Variants in GRWD1 observed in about 807,000 individuals in gnomAD.
The protein encoded by GRWD1 is glutamate rich WD repeat containing 1.
GRWD1 carries 29 observed loss-of-function variants against 45.3 expected under a neutral mutation model. That is an observed-to-expected ratio of 0.64 (90% CI 0.48 to 0.87). GRWD1 has a LOEUF of 0.87. Ranked by LOEUF, GRWD1 falls within the 40% of genes least tolerant of loss-of-function variation. The probability of loss-of-function intolerance (pLI) is 0.00; values close to 1 mark genes in which losing one functional copy is unlikely to be tolerated. For missense variants in GRWD1, 592 were observed against 618.8 expected (o/e 0.96, Z 0.46); for synonymous variants, 262 against 257.6 (o/e 1.02, Z -0.16).
chr19:48,452,716 C>T lies in GRWD1; in HGVS notation c.1032C>T (p.Ser344=). 6.4e-7 allele frequency: 1 copy of T among 1,568,222 alleles called. No homozygotes were observed. Among genetic ancestry groups the T allele is most frequent in the Non-Finnish European group, 8.7e-7 (1 of 1,150,756 alleles). ...CCATCCTCTCCCTCTAGTCTGGTTCCCCAGTGGCCACCTTCAAGCAGCACG... is the reference window on the plus strand; with the variant it reads ...CCATCCTCTCCCTCTAGTCTGGTTCTCCAGTGGCCACCTTCAAGCAGCACG... ...IWDLRQFKSG[S]PVATFKQHVA... Residue 344 remains serine, a synonymous_variant, in exon 7 of 7, where the codon TCC becomes TCT. Coordinates refer to ENST00000253237, the MANE Select transcript of GRWD1 (RefSeq NM_031485.4). The surrounding 1 kb of genome is among the most constrained non-coding windows in gnomAD (Gnocchi z 5.1).
intron 3 of GRWD1, among the ~76,000 whole-genome samples, chr19:48,447,454 G>A (rs1971423113): frequency 6.6e-6 from 1 of 151,346 alleles, no homozygotes; most frequent in African/African-American, 2.4e-5. Flanking sequence ...TGTTGATCAG[G>A]CTGGTGGTGA....
At position 48,455,290 on chromosome 19, in the gene GRWD1, C is replaced by T. The variant is rs1214999340; in HGVS notation, c.*2265C>T. On this transcript the variant is annotated 3_prime_UTR_variant, in exon 7 of 7. Transcript: ENST00000253237. ...CTGCATCTCTTTGTCTTTCTGTAGTCTCTGCTTTCCAACCTGCTGTCCAGC... is the reference window on the plus strand; with the variant it reads ...CTGCATCTCTTTGTCTTTCTGTAGTTTCTGCTTTCCAACCTGCTGTCCAGC... 3 of 152,332 alleles carry T rather than the reference C, an allele frequency of 2.0e-5. No individual in the cohort carries two copies. The highest frequency in any genetic ancestry group is 6.5e-5 in the Admixed American group (1 of 15,276). The allele number at this position is 152,332 out of a possible 1,614,324, so 9.4% of individuals were successfully genotyped here. A position where few individuals can be genotyped will look rare whatever the true frequency, so the allele number is the denominator to read the frequency against.
At position 48,453,358 on chromosome 19, in the gene GRWD1, G is replaced by T; in HGVS notation, c.*333G>T. 1 of 229,238 alleles carries T rather than the reference G, an allele frequency of 4.4e-6. No homozygotes were observed. The highest frequency in any genetic ancestry group is 1.2e-4 in the South Asian group (1 of 8,014). 14.2% of individuals were successfully genotyped at this position (229,238 alleles called of 1,614,324 possible). A position where few individuals can be genotyped will look rare whatever the true frequency, so the allele number is the denominator to read the frequency against. ...CCCAGTTTTTTGTTTGTTTGTTTGA[G>T]ACGGAGTCTTGGTCTGTCGCCCAGG... On this transcript the variant is annotated 3_prime_UTR_variant, in exon 7 of 7. Coordinates refer to ENST00000253237, the MANE Select transcript of GRWD1 (RefSeq NM_031485.4).
Position 48,446,024 on chromosome 19 carries a change from C to G in GRWD1, c.19C>G (p.Arg7Gly). Residue 7 changes from arginine to glycine, a missense_variant, in exon 1 of 7, where the codon CGG (arginine) becomes GGG (glycine). Arg to Gly is a moderately radical substitution (Grantham distance 125, BLOSUM62 -2). Coordinates refer to ENST00000253237, the MANE Select transcript of GRWD1 (RefSeq NM_031485.4). MAARKG[R>G]RRTCETGEPM... ...TTCGAAGATGGCGGCGCGCAAGGGT[C>G]GGCGGCGCACGTGTGAAACCGGGGA... 7.5e-6 allele frequency: 12 copies of G among 1,590,518 alleles called. No homozygotes were observed. Among genetic ancestry groups the G allele is most frequent in the Non-Finnish European group, 1.0e-5 (12 of 1,170,016 alleles).
rs1971512369 is a variant in GRWD1, at chr19:48,454,478, G to A, written c.*1453G>A. The A allele has an allele frequency of 1.3e-5, 2 of 152,290 alleles. No individual in the cohort carries two copies. The highest frequency in any genetic ancestry group is 6.6e-5 in the Admixed American group (1 of 15,266). 9.4% of individuals were successfully genotyped at this position (152,290 alleles called of 1,614,324 possible). On this transcript the variant is annotated 3_prime_UTR_variant, in exon 7 of 7. Transcript: ENST00000253237. ...TCCGAGGTCGGGTGCCCGTCACACG[G>A]CCCCTGGGACCAAGGACAGACTACA... is the stretch of plus-strand genomic sequence containing the variant.
chr19:48,456,840 A>AT lies in GRWD1; in HGVS notation c.*3821dup, dbSNP rs1372875331. 1 of 151,262 alleles carries AT rather than the reference A, an allele frequency of 6.6e-6. No homozygotes were observed. Among genetic ancestry groups the AT allele is most frequent in the Non-Finnish European group, 1.5e-5 (1 of 67,870 alleles). 9.4% of individuals were successfully genotyped at this position (151,262 alleles called of 1,614,324 possible). ...TTCCCTCCATTTCTTTTCTTCCTTTATTTTTTATTTTTAATTATTTATTTA... is the reference window on the plus strand; with the variant it reads ...TTCCCTCCATTTCTTTTCTTCCTTTATTTTTTTATTTTTAATTATTTATTTA... On this transcript the variant is annotated 3_prime_UTR_variant, in exon 7 of 7. Coordinates refer to ENST00000253237, the MANE Select transcript of GRWD1 (RefSeq NM_031485.4).
intron 3 of GRWD1, among the ~76,000 whole-genome samples, chr19:48,448,798 G>C (rs1231756249): frequency 6.6e-6 from 1 of 152,190 alleles, no homozygotes. Context: ...TGAACAAAAG[G>C]GAGAATGACA....
intron 3 of GRWD1, among the ~76,000 whole-genome samples, chr19:48,449,510 T>G (rs1387987003): frequency 6.6e-5 from 10 of 152,160 alleles, no homozygotes; most frequent in Admixed American, 6.5e-4. Context: ...AATTAGGAGC[T>G]TGGCTTTGGT....
chr19:48,446,074 C>T lies in GRWD1; in HGVS notation c.69C>T (p.Asp23=), dbSNP rs1323414026. The T allele has an allele frequency of 6.3e-7, 1 of 1,597,406 alleles. No individual in the cohort carries two copies. The highest frequency in any genetic ancestry group is 8.5e-7 in the Non-Finnish European group (1 of 1,173,472). The stretch of plus-strand genomic sequence containing the variant: ...AACCCATGGAAGCCGAGTCCGGCGA[C>T]ACAAGTTCCGAGGGCCCGGCCCAGG... The part of the protein sequence containing the change: ...TGEPMEAESG[D]TSSEGPAQVY... The change falls in exon 1 of 7, where the codon GAC becomes GAT. Residue 23 remains aspartate, a synonymous_variant. Coordinates refer to ENST00000253237, the MANE Select transcript of GRWD1 (RefSeq NM_031485.4).
Position 48,446,764 on chromosome 19 carries a change from AT to A in GRWD1, c.390del (p.Asp130GlufsTer75). 1 of 1,614,166 alleles carries A rather than the reference AT, an allele frequency of 6.2e-7. No individual in the cohort carries two copies. The highest frequency in any genetic ancestry group is 8.5e-7 in the Non-Finnish European group (1 of 1,180,022). On this transcript the variant is annotated frameshift_variant, in exon 3 of 7. Coordinates refer to ENST00000253237, the MANE Select transcript of GRWD1 (RefSeq NM_031485.4). LOFTEE classifies it high-confidence loss of function. ...AGTGATGAAGAAGAAGAGGAGGAAG[AT>A]GAAGAGGATGAAGAAGAGCGGAAAC... The part of the protein sequence containing the change: ...EGSDEEEEEE[D>X]EEDEEERKPQ...
Position 48,452,656 on chromosome 19 carries a change from C to T in GRWD1, c.1024-52C>T, listed in dbSNP as rs750191364. 17 of 1,465,600 alleles carry T rather than the reference C, an allele frequency of 1.2e-5. No individual in the cohort carries two copies. Among genetic ancestry groups the T allele is most frequent in the Admixed American group, 2.0e-5 (1 of 48,840 alleles). The allele number at this position is 1,465,600 out of a possible 1,614,324, so 90.8% of individuals were successfully genotyped here. A position where few individuals can be genotyped will look rare whatever the true frequency, so the allele number is the denominator to read the frequency against. On this transcript the variant is annotated intron_variant, in intron 6 of 6. Coordinates refer to ENST00000253237, the MANE Select transcript of GRWD1 (RefSeq NM_031485.4). The surrounding 1 kb of genome is among the most constrained non-coding windows in gnomAD (Gnocchi z 5.1). ...TTGGGGCTTCTGCCTGGGTCCTCCC[C>T]AGAGTCAGGCTGAGGCATTCAGAGC... is the stretch of plus-strand genomic sequence containing the variant.
intron 5 of GRWD1, 28 bp from the exon 6 acceptor site, chr19:48,451,005 TG>T: frequency 6.2e-7 from 1 of 1,600,646 alleles, no homozygotes; most frequent in Non-Finnish European, 8.5e-7. Context: ...TGGGGGGCAT[TG>T]GGACCACTCA....
chr19:48,451,944 T>C (rs1404346752), intron 6 of GRWD1, among the ~76,000 whole-genome samples: 1 of 152,146 alleles, frequency 6.6e-6, no homozygotes, highest in Admixed American at 6.5e-5. Flanking sequence ...GAGACGCCAA[T>C]TGAGCGGGGC....
Position 48,451,093 on chromosome 19 carries a change from C to G in GRWD1, c.885C>G (p.Pro295=), listed in dbSNP as rs1156915277. 4 of 1,614,156 alleles carry G rather than the reference C, an allele frequency of 2.5e-6. No individual in the cohort carries two copies. Among genetic ancestry groups the G allele is most frequent in the East Asian group, 2.2e-5 (1 of 44,872 alleles). Residue 295 remains proline, a synonymous_variant, in exon 6 of 7, where the codon CCC becomes CCG. Coordinates refer to ENST00000253237, the MANE Select transcript of GRWD1 (RefSeq NM_031485.4). ...SIRIWDIRAA[P]SKACMLTTAT... ...GCATCTGGGACATCCGGGCAGCCCC[C>G]AGCAAGGCCTGCATGCTCACCACAG...
chr19:48,446,630 T>C (rs1326652754), intron 2 of GRWD1, 51 bp from the exon 3 acceptor site: 2 of 1,550,770 alleles, frequency 1.3e-6, no homozygotes, highest in East Asian at 4.8e-5. Flanking sequence ...CCTCTCTCCT[T>C]CCTAAGAATC....
rs763665732 is a variant in GRWD1, at chr19:48,446,072, G to T, written c.67G>T (p.Asp23Tyr). ...TGEPMEAESG[D>Y]TSSEGPAQVY... ...GGAACCCATGGAAGCCGAGTCCGGC[G>T]ACACAAGTTCCGAGGGCCCGGCCCA... Residue 23 changes from aspartate to tyrosine, a missense_variant, in exon 1 of 7, where the codon GAC becomes TAC. Physicochemically the swap from Asp to Tyr is radical, Grantham distance 160. Transcript: ENST00000253237. 1 of 1,597,244 alleles carries T rather than the reference G, an allele frequency of 6.3e-7. No individual in the cohort carries two copies.
Position 48,453,056 on chromosome 19 carries a change from G to A in GRWD1, c.*31G>A. 6 of 1,536,966 alleles carry A rather than the reference G, an allele frequency of 3.9e-6. No homozygotes were observed. Among genetic ancestry groups the A allele is most frequent in the Non-Finnish European group, 4.4e-6 (5 of 1,138,190 alleles). On this transcript the variant is annotated 3_prime_UTR_variant, in exon 7 of 7. Coordinates refer to ENST00000253237, the MANE Select transcript of GRWD1 (RefSeq NM_031485.4). Reference sequence around the variant, plus strand: ...CCCACTGGCTCTGATCTTGCTTCCTGCTTGGAAACTGAAGTCGAATTGGGC... The same window carrying A: ...CCCACTGGCTCTGATCTTGCTTCCTACTTGGAAACTGAAGTCGAATTGGGC...
Position 48,450,378 on chromosome 19 carries a change from T to C in GRWD1, c.534T>C (p.Phe178=). ...CAGAGAAGGGCCAGGTGGAGGTGTT[T>C]GCGCTGCGGCGGCTTCTGCAGGTGG... ...VWSEKGQVEV[F]ALRRLLQVVE... Residue 178 remains phenylalanine, a synonymous_variant, in exon 4 of 7, where the codon TTT becomes TTC. Coordinates refer to ENST00000253237, the MANE Select transcript of GRWD1 (RefSeq NM_031485.4). The surrounding 1 kb of genome is among the most constrained non-coding windows in gnomAD (Gnocchi z 5.1). The C allele has an allele frequency of 6.2e-7, 1 of 1,613,674 alleles. No homozygotes were observed. Among genetic ancestry groups the C allele is most frequent in the East Asian group, 2.2e-5 (1 of 44,872 alleles).
Position 48,452,008 on chromosome 19 carries a change from G to A in GRWD1, c.1024-700G>A, listed in dbSNP as rs1400753434. ...TTAGTCTTTCTTTGGGTCGGCTTCCGGGGATTGTGTTTCTGCCTCCTTTGA... is the reference window on the plus strand; with the variant it reads ...TTAGTCTTTCTTTGGGTCGGCTTCCAGGGATTGTGTTTCTGCCTCCTTTGA... On this transcript the variant is annotated intron_variant, in intron 6 of 6. Coordinates refer to ENST00000253237, the MANE Select transcript of GRWD1 (RefSeq NM_031485.4). The surrounding 1 kb of genome is among the most constrained non-coding windows in gnomAD (Gnocchi z 5.1). Among the ~76,000 whole-genome samples the A allele has an allele frequency of 3.3e-5, 5 of 152,158 alleles. No individual in the cohort carries two copies. The highest frequency in any genetic ancestry group is 6.5e-5 in the Admixed American group (1 of 15,286).
Sources: allele counts gnomAD v4.1 joint callset (sites outside exome capture counted in the v4.1 genomes callset), GRCh38; gene constraint gnomAD v4.1.1; non-coding constraint Gnocchi (gnomAD v3.1); transcripts MANE v1.5; gene names NCBI Gene and HGNC (gene_info 2026-07-23, HGNC 2026-07-21).